The following DNAH5 variants were observed in gnomAD, a reference collection of about 807,000 sequenced individuals.
DNAH5 encodes dynein axonemal heavy chain 5.
In DNAH5, 372 loss-of-function variants were observed where a neutral mutation model predicts 518.2. The ratio of observed to expected loss-of-function variants is 0.72; its 90% CI spans 0.66 to 0.78. DNAH5 has a LOEUF of 0.78. DNAH5 is among the 30% of genes least tolerant of loss of function. The pLI is 0.00. For synonymous variants in DNAH5, 2,039 were observed against 2,025.9 expected (o/e 1.01, Z -0.17); for missense variants, 5,523 against 5,687.0 (o/e 0.97, Z 0.93).
intron 50 of DNAH5, among the ~76,000 whole-genome samples, chr5:13,789,972 G>C (rs950462871): frequency 1.3e-5 from 2 of 152,146 alleles, no homozygotes; most frequent in African/African-American, 4.8e-5. Context: ...CTCATCATTA[G>C]AGAAATGCAA....
rs116524991 is a variant in DNAH5, at chr5:13,844,842, C to T, written c.5266G>A (p.Glu1756Lys). The T allele has an allele frequency of 3.9e-3, 6,345 of 1,614,158 alleles. 23 individuals are homozygous for T. Among genetic ancestry groups the T allele is most frequent in the Non-Finnish European group, 4.9e-3 (5,808 of 1,180,018 alleles). ...GCCATTAGAATTAGGCGAACCTTTT[C>T]GTGGAACTTGACAGATTTAATGTTG... ...FDNIKSVKFH[E>K]KIYDRILSIS... The change falls in exon 32 of 79, where the codon GAA (glutamate) becomes AAA (lysine). Residue 1756 changes from glutamate to lysine, a missense_variant. Glu to Lys is a moderately conservative substitution (Grantham distance 56). This residue lies in a region of DNAH5 where 5,121 missense variants were observed against 5,223.3 expected (regional missense o/e 0.98). Transcript: ENST00000265104.
chr5:14,001,348 A>AT (rs1256163429), intron 1 of DNAH5, among the ~76,000 whole-genome samples: 2 of 152,010 alleles, frequency 1.3e-5, no homozygotes, highest in Non-Finnish European at 2.9e-5. Context: ...ATACTTAGTG[A>AT]TTTTTTGTTT....
chr5:13,951,286 G>A (rs1780390303), intron 1 of DNAH5, among the ~76,000 whole-genome samples: 1 of 119,486 alleles, frequency 8.4e-6, no homozygotes, highest in South Asian at 2.9e-4. Context: ...ATGCAGTCAT[G>A]GCTCACTGCA....
intron 78 of DNAH5, among the ~76,000 whole-genome samples, chr5:13,696,100 G>A (rs1211624001): frequency 3.9e-5 from 6 of 152,034 alleles, no homozygotes; most frequent in East Asian, 3.9e-4. Context: ...TGGGTCAGAC[G>A]GTGTTCTTAG....
chr5:13,998,192 C>T (rs1784095585), intron 1 of DNAH5, among the ~76,000 whole-genome samples: 1 of 152,334 alleles, frequency 6.6e-6, no homozygotes, highest in Admixed American at 6.5e-5. Flanking sequence ...AAGATGCTGG[C>T]AGGTTCAGTG....
chr5:14,001,014 C>T (rs943110982), intron 1 of DNAH5, among the ~76,000 whole-genome samples: 3 of 152,120 alleles, frequency 2.0e-5, no homozygotes, highest in Non-Finnish European at 1.5e-5. Context: ...CAGCTGGAGG[C>T]CATTATCCTA....
At chr5:13,800,729 C>A (rs1369496613) in intron 47 of DNAH5, among the ~76,000 whole-genome samples, 6 of 152,124 alleles carry the variant, frequency 3.9e-5, no homozygotes, top group Admixed American at 3.9e-4. Flanking sequence ...CCAAAGAAAT[C>A]CGTCTAAAGA....
At chr5:13,994,416 T>C (rs966253586) in intron 1 of DNAH5, among the ~76,000 whole-genome samples, 10 of 152,270 alleles carry the variant, frequency 6.6e-5, no homozygotes, top group African/African-American at 1.9e-4. Flanking sequence ...TCAAGAAACA[T>C]AGACCTTAAA....
chr5:13,810,378 G>A, intron 44 of DNAH5, 118 bp from the exon 45 acceptor site: 1 of 852,272 alleles, frequency 1.2e-6, no homozygotes, highest in South Asian at 1.4e-5. Flanking sequence ...CCAAGAACAA[G>A]GGAAAGGATG....
Position 13,691,951 on chromosome 5 carries a change from T to G in DNAH5, c.*33A>C. Reference sequence around the variant, plus strand: ...TTACAATAATTTAGATCTTGCATTTTCCAAAGCATTGGGTGGGGACACTCC... The same window carrying G: ...TTACAATAATTTAGATCTTGCATTTGCCAAAGCATTGGGTGGGGACACTCC... On this transcript the variant is annotated 3_prime_UTR_variant, in exon 79 of 79. Transcript: ENST00000265104. 1 of 1,613,902 alleles carries G rather than the reference T, an allele frequency of 6.2e-7. No individual in the cohort carries two copies. Among genetic ancestry groups the G allele is most frequent in the East Asian group, 2.2e-5 (1 of 44,860 alleles).
rs902026526 is a variant in DNAH5 at position 13,855,429 on chromosome 5, C to T, written c.4950+4023G>A. On this transcript the variant is annotated intron_variant, in intron 30 of 78. Transcript: ENST00000265104. ...TTCACCGTTTTAGCCGGGATGGTCT[C>T]GATCTCCTGACCTCGTGATCCGCCC... Among the ~76,000 whole-genome samples the T allele has an allele frequency of 1.4e-3, 72 of 51,152 alleles. 16 individuals carry two copies. Among genetic ancestry groups the T allele is most frequent in the Middle Eastern group, 0.016 (2 of 128 alleles). The allele number at this position is 51,152 out of a possible 152,430, so 33.6% of individuals were successfully genotyped here.
At chr5:13,820,054 T>C (rs992354014) in intron 41 of DNAH5, among the ~76,000 whole-genome samples, 3 of 152,140 alleles carry the variant, frequency 2.0e-5, no homozygotes, top group Admixed American at 6.5e-5. Flanking sequence ...TTGATTTTTA[T>C]ACAAAATGGG....
intron 21 of DNAH5, among the ~76,000 whole-genome samples, chr5:13,879,509 C>T (rs1771343293): frequency 6.6e-6 from 1 of 151,958 alleles, no homozygotes; most frequent in African/African-American, 2.4e-5. Context: ...TGAAGCCAAA[C>T]CATTGTAAGT....
intron 1 of DNAH5, among the ~76,000 whole-genome samples, chr5:14,009,241 A>C (rs1784948413): frequency 6.6e-6 from 1 of 152,184 alleles, no homozygotes. Context: ...AGCGTGACTA[A>C]AGGAGAAAAT....
chr5:13,783,232 C>G (rs569356193), intron 52 of DNAH5, among the ~76,000 whole-genome samples: 2 of 152,210 alleles, frequency 1.3e-5, no homozygotes, highest in East Asian at 3.9e-4. Context: ...TGAAGTGCCC[C>G]CTGGGGTGAG....
intron 47 of DNAH5, among the ~76,000 whole-genome samples, chr5:13,797,231 C>T (rs1022150680): frequency 3.9e-5 from 6 of 152,150 alleles, no homozygotes; most frequent in African/African-American, 1.4e-4. Context: ...AGCTTCTGCA[C>T]AGCAAAAGAA....
At chr5:13,961,158 T>C (rs1324539161) in intron 1 of DNAH5, among the ~76,000 whole-genome samples, 4 of 152,178 alleles carry the variant, frequency 2.6e-5, no homozygotes, top group African/African-American at 9.7e-5. Flanking sequence ...TTGACCACTT[T>C]CCAGTTCTTT....
At chr5:13,716,809 A>T (rs1744345114) in intron 73 of DNAH5, 119 bp from the exon 74 acceptor site, 1 of 751,088 alleles carries the variant, frequency 1.3e-6, no homozygotes, top group South Asian at 1.5e-5. Flanking sequence ...CTTCATCAGT[A>T]CTGCAAAGAG....
intron 3 of DNAH5, among the ~76,000 whole-genome samples, chr5:13,925,352 A>G (rs1580919948): frequency 6.6e-6 from 1 of 152,206 alleles, no homozygotes; most frequent in East Asian, 1.9e-4. Flanking sequence ...GGCCCCCATC[A>G]GAATGCAAAA....
Sources: allele counts gnomAD v4.1 joint callset (sites outside exome capture counted in the v4.1 genomes callset), GRCh38; gene constraint gnomAD v4.1.1; regional missense constraint gnomAD v4.1.1; transcripts MANE v1.5; gene names NCBI Gene and HGNC (gene_info 2026-07-23, HGNC 2026-07-21).